The following CADPS2 variants were observed in gnomAD, a reference collection of about 807,000 sequenced individuals.
The protein encoded by CADPS2 is calcium dependent secretion activator 2, also known as calcium-dependent secretion activator 2.
In CADPS2, 93 loss-of-function variants were observed where a neutral mutation model predicts 172.5. The ratio of observed to expected loss-of-function variants is 0.54; its 90% CI spans 0.46 to 0.64. The LOEUF is 0.64. Ranked by LOEUF, CADPS2 falls within the 30% of genes least tolerant of loss-of-function variation. CADPS2 has a pLI of 0.00. For missense variants in CADPS2, 1,420 were observed against 1,565.9 expected (o/e 0.91, Z 1.57); for synonymous variants, 546 against 555.2 (o/e 0.98, Z 0.23).
chr7:122,537,295 A>C (rs1384133960), intron 8 of CADPS2, among the ~76,000 whole-genome samples: 3 of 151,668 alleles, frequency 2.0e-5, no homozygotes, highest in Non-Finnish European at 2.9e-5. Flanking sequence ...AAAAAAAAAC[A>C]AACAAACAAA....
intron 25 of CADPS2, among the ~76,000 whole-genome samples, chr7:122,370,980 A>C (rs1370656709): frequency 6.6e-6 from 1 of 152,192 alleles, no homozygotes; most frequent in Non-Finnish European, 1.5e-5. Flanking sequence ...TAGGAATTCC[A>C]GAATAAAGGG....
chr7:122,657,571 A>G (rs2079961572), intron 3 of CADPS2, among the ~76,000 whole-genome samples: 1 of 152,120 alleles, frequency 6.6e-6, no homozygotes, highest in Non-Finnish European at 1.5e-5. Context: ...CTTTGAAGCA[A>G]TTGTGAATAG....
At chr7:122,404,658 T>C (rs1357707819) in intron 20 of CADPS2, among the ~76,000 whole-genome samples, 2 of 152,124 alleles carry the variant, frequency 1.3e-5, no homozygotes, top group African/African-American at 2.4e-5. Flanking sequence ...GCACCTGTTG[T>C]TTCTTGACTT....
In CADPS2 at chr7:122,514,598, T is replaced by A. The variant is rs535163703; in HGVS notation, c.1476-1283A>T. ...CTTGGGAGATGATCTTCTTGTAGGA[T>A]AACATGTCAATACATCGAAATAGTC... On this transcript the variant is annotated intron_variant, in intron 8 of 29. Transcript: ENST00000449022. 2.4e-3 allele frequency among the ~76,000 whole-genome samples: 366 copies of A among 152,214 alleles called. 2 individuals are homozygous for A. Among genetic ancestry groups the A allele is most frequent in the African/African-American group, 8.5e-3 (354 of 41,548 alleles).
intron 1 of CADPS2, among the ~76,000 whole-genome samples, chr7:122,809,034 T>G (rs1799417712): frequency 6.6e-6 from 1 of 152,214 alleles, no homozygotes; most frequent in Non-Finnish European, 1.5e-5. Flanking sequence ...TTGGCAAGGC[T>G]CTGTATCCCC....
At chr7:122,718,999 T>C (rs1318898847) in intron 2 of CADPS2, among the ~76,000 whole-genome samples, 1 of 149,166 alleles carries the variant, frequency 6.7e-6, no homozygotes, top group African/African-American at 2.5e-5. Flanking sequence ...ACTGACATCC[T>C]ATGCCATAAA....
Position 122,451,460 on chromosome 7 carries a change from C to G in CADPS2, c.2202G>C (p.Gly734=), listed in dbSNP as rs747493759. 6.3e-7 allele frequency: 1 copy of G among 1,575,760 alleles called. No individual in the cohort carries two copies. The highest frequency in any genetic ancestry group is 2.3e-5 in the East Asian group (1 of 43,478). ...HVHGNRPDGI[G]TVSVEEKERF... is the part of the protein sequence containing the mutation. Reference sequence around the variant, plus strand: ...TTTCTTTTTCTTCCACTGAAACAGTCCCAATTCCATCAGGCCTGAAAAAAA... The same window carrying G: ...TTTCTTTTTCTTCCACTGAAACAGTGCCAATTCCATCAGGCCTGAAAAAAA... The change falls in exon 15 of 30, where the codon GGG becomes GGC. Residue 734 remains glycine (G), a synonymous_variant. Transcript: ENST00000449022.
chr7:122,449,652 C>A (rs2052787788), intron 15 of CADPS2, among the ~76,000 whole-genome samples: 1 of 152,130 alleles, frequency 6.6e-6, no homozygotes, highest in Non-Finnish European at 1.5e-5. Context: ...AGAAACACAT[C>A]TCTAAAACTG....
intron 29 of CADPS2, 130 bp from the exon 30 acceptor site, chr7:122,320,468 A>G: frequency 1.7e-6 from 1 of 587,378 alleles, no homozygotes; most frequent in Non-Finnish European, 2.7e-6. Context: ...GTCCATGCCA[A>G]TCATCTTCTT....
chr7:122,820,646 G>A lies in CADPS2; in HGVS notation c.339+65353C>T, dbSNP rs1312136263. 1.5e-4 allele frequency among the ~76,000 whole-genome samples: 17 copies of A among 116,760 alleles called. 1 individual carries two copies. The highest frequency in any genetic ancestry group is 7.8e-4 in the East Asian group (3 of 3,822). The allele number at this position is 116,760 out of a possible 152,430, so 76.6% of individuals were successfully genotyped here. ...GCGATCTCGGCTCACTGCAAGCTCC[G>A]CCTCCCGGGTTCACGCCATTCTCCT... On this transcript the variant is annotated intron_variant, in intron 1 of 29. Transcript: ENST00000449022.
chr7:122,473,300 C>T (rs927166054), intron 13 of CADPS2, among the ~76,000 whole-genome samples: 11 of 152,088 alleles, frequency 7.2e-5, no homozygotes, highest in Admixed American at 4.6e-4. Context: ...CGTCACTTTC[C>T]TTTTTCTGTC....
intron 1 of CADPS2, among the ~76,000 whole-genome samples, chr7:122,747,706 A>T (rs2092776111): frequency 6.6e-6 from 1 of 152,110 alleles, no homozygotes; most frequent in African/African-American, 2.4e-5. Context: ...TATCTGACTG[A>T]TATGCTCTTA....
At chr7:122,651,787 T>C (rs2079173311) in intron 3 of CADPS2, among the ~76,000 whole-genome samples, 1 of 152,192 alleles carries the variant, frequency 6.6e-6, no homozygotes, top group Non-Finnish European at 1.5e-5. Flanking sequence ...TCTAGATAGC[T>C]ATAAAATTTA....
At chr7:122,526,385 G>A (rs1051535818) in intron 8 of CADPS2, among the ~76,000 whole-genome samples, 1 of 151,978 alleles carries the variant, frequency 6.6e-6, no homozygotes, top group South Asian at 2.1e-4. Flanking sequence ...TAGAGATGGG[G>A]TTTCACCATG....
At chr7:122,603,222 T>C (rs867059123) in intron 6 of CADPS2, among the ~76,000 whole-genome samples, 2 of 152,082 alleles carry the variant, frequency 1.3e-5, no homozygotes, top group Admixed American at 1.3e-4. Context: ...AAAAAGATTA[T>C]AAAGTGCTTA....
rs898195496 is a variant in CADPS2 at position 122,631,274 on chromosome 7, T to C, written c.787-1946A>G. Among the ~76,000 whole-genome samples the C allele has an allele frequency of 2.0e-5, 3 of 152,182 alleles. 1 individual carries two copies. Among genetic ancestry groups the C allele is most frequent in the South Asian group, 4.1e-4 (2 of 4,832 alleles). The stretch of plus-strand genomic sequence containing the variant: ...TTTTTCTCACAGCTTCAACAAAAAA[T>C]AGCATTTAATATCTTAAAAGGCCAC... On this transcript the variant is annotated intron_variant, in intron 3 of 29. Transcript: ENST00000449022.
chr7:122,720,752 A>C (rs1400284849), intron 2 of CADPS2, among the ~76,000 whole-genome samples: 1 of 151,992 alleles, frequency 6.6e-6, no homozygotes, highest in Non-Finnish European at 1.5e-5. Flanking sequence ...TTTCAGATTG[A>C]AAACTGAATG....
intron 3 of CADPS2, among the ~76,000 whole-genome samples, chr7:122,638,178 G>A (rs147718072): frequency 9.5e-4 from 145 of 152,258 alleles, no homozygotes; most frequent in African/African-American, 3.3e-3. Flanking sequence ...GGGCTATAGA[G>A]CTCCCTAAGG....
chr7:122,336,907 T>C (rs1487632220), intron 28 of CADPS2, among the ~76,000 whole-genome samples: 2 of 152,212 alleles, frequency 1.3e-5, no homozygotes, highest in Non-Finnish European at 2.9e-5. Context: ...GTTAAGGCTC[T>C]GGTGGAAATC....
Sources: allele counts gnomAD v4.1 joint callset (sites outside exome capture counted in the v4.1 genomes callset), GRCh38; gene constraint gnomAD v4.1.1; transcripts MANE v1.5; gene names NCBI Gene and HGNC (gene_info 2026-07-23, HGNC 2026-07-21).